ABL1: variants seen among roughly 807,000 people sequenced by gnomAD.
ABL1 encodes ABL proto-oncogene 1, non-receptor tyrosine kinase, also known as tyrosine-protein kinase ABL1.
Under a neutral mutation model 94.7 loss-of-function variants are expected in ABL1, and 11 were observed. The observed-to-expected ratio is 0.12, with a 90% confidence interval of 0.07 to 0.19. The LOEUF (loss-of-function observed/expected upper bound fraction) is 0.19, where lower values mean the gene tolerates loss of function less well. Ranked by LOEUF, ABL1 falls within the 10% of genes least tolerant of loss-of-function variation. The probability of loss-of-function intolerance (pLI) is 1.00; values close to 1 mark genes in which losing one functional copy is unlikely to be tolerated. For synonymous variants in ABL1, 656 were observed against 622.4 expected, an observed-to-expected ratio of 1.05 and a Z score of -0.80; for missense variants, 1,082 against 1,489.4, an observed-to-expected ratio of 0.73 and a Z score of 4.50.
chr9:130,780,214 G>A lies in ABL1; in HGVS notation c.136+65759G>A, dbSNP rs1829738587. Reference sequence around the variant, plus strand: ...AGGCAGGAGAATCGCTTGAACCCAGGCAGCAGAGGTTGCAGTGAGCCAAGA... The same window carrying A: ...AGGCAGGAGAATCGCTTGAACCCAGACAGCAGAGGTTGCAGTGAGCCAAGA... On this transcript the variant is annotated intron_variant, in intron 1 of 10. Coordinates refer to the ABL1 transcript ENST00000372348. Among the ~76,000 whole-genome samples, 10 of 152,276 alleles carry A rather than the reference G, an allele frequency of 6.6e-5. No homozygotes were observed. The South Asian group carries it at 1.9e-3, about 28-fold the overall frequency.
intron 1 of ABL1, among the ~76,000 whole-genome samples, chr9:130,725,839 T>TG (rs1564269509): frequency 0.029 from 3,801 of 131,450 alleles, 222 homozygotes; most frequent in African/African-American, 0.1. Flanking sequence ...TTTTTTTTTT[T>TG]TTTTTTTTTT....
chr9:130,788,131 A>G (rs1173852959), intron 1 of ABL1, among the ~76,000 whole-genome samples: 1 of 152,220 alleles, frequency 6.6e-6, no homozygotes, highest in Non-Finnish European at 1.5e-5. Context: ...TAATACAAAT[A>G]CTGTATGTAT....
chr9:130,754,291 G>A (rs1240613309), intron 1 of ABL1, among the ~76,000 whole-genome samples: 2 of 150,760 alleles, frequency 1.3e-5, no homozygotes, highest in Non-Finnish European at 3.0e-5. Flanking sequence ...GGTGGATTAC[G>A]AGGTCAGGAG....
rs1295930544 is a variant in ABL1, at chr9:130,718,233, T to C, written c.136+3778T>C. Among the ~76,000 whole-genome samples the C allele has an allele frequency of 4.0e-5, 6 of 150,606 alleles. No individual in the cohort carries two copies. In the South Asian group the frequency reaches 6.3e-4, roughly 16 times the overall value. ...CTCAGGAGGCTGAGGCAGGAGAATA[T>C]CTTGAGCCCCGGGGGAAGAGGTTGC... On this transcript the variant is annotated intron_variant, in intron 1 of 10. Transcript: ENST00000372348.
At chr9:130,754,382 C>T (rs977511463) in intron 1 of ABL1, among the ~76,000 whole-genome samples, 4 of 151,324 alleles carry the variant, frequency 2.6e-5, no homozygotes, top group African/African-American at 9.7e-5. Flanking sequence ...GTGGCGGGCA[C>T]CTGTAGTCCC....
chr9:130,827,632 C>A (rs1229493869), intron 1 of ABL1, among the ~76,000 whole-genome samples: 1 of 152,158 alleles, frequency 6.6e-6, no homozygotes, highest in South Asian at 2.1e-4. Flanking sequence ...CCATGACTCA[C>A]GCCTGTAATC....
chr9:130,785,345 C>T (rs555292368), intron 1 of ABL1, among the ~76,000 whole-genome samples: 1 of 152,254 alleles, frequency 6.6e-6, no homozygotes, highest in Non-Finnish European at 1.5e-5. Flanking sequence ...GGAGTTTCTC[C>T]ACCACGTGGT....
intron 1 of ABL1, among the ~76,000 whole-genome samples, chr9:130,845,874 T>C (rs1830761257): frequency 6.6e-6 from 1 of 151,822 alleles, no homozygotes; most frequent in Non-Finnish European, 1.5e-5. Context: ...AAAAAAAAAT[T>C]CATCCACAGG....
Position 130,721,844 on chromosome 9 carries a change from C to G in ABL1, c.136+7389C>G, listed in dbSNP as rs775572478. On this transcript the variant is annotated intron_variant, in intron 1 of 10. Transcript: ENST00000372348. ...TTTGTTTTTTTTTTTTTTTTTGAGA[C>G]AGAGCCTTGCTCTGTTGCCCAGACT... 4.0e-3 allele frequency among the ~76,000 whole-genome samples: 450 copies of G among 113,878 alleles called. 12 individuals are homozygous for G. The highest frequency in any genetic ancestry group is 6.8e-3 in the East Asian group (24 of 3,506). 74.7% of individuals were successfully genotyped at this position (113,878 alleles called of 152,430 possible).
chr9:130,839,858 A>G (rs1021918265), intron 1 of ABL1, among the ~76,000 whole-genome samples: 1 of 152,084 alleles, frequency 6.6e-6, no homozygotes, highest in African/African-American at 2.4e-5. Context: ...CAGCGTTCCT[A>G]GGGTCTCATT....
At chr9:130,786,191 A>G (rs1172256216) in intron 1 of ABL1, among the ~76,000 whole-genome samples, 2 of 152,160 alleles carry the variant, frequency 1.3e-5, no homozygotes, top group Non-Finnish European at 2.9e-5. Flanking sequence ...GGCCAGGGAA[A>G]CATCTGAGGA....
intron 1 of ABL1, among the ~76,000 whole-genome samples, chr9:130,808,246 T>C (rs1316388190): frequency 2.0e-5 from 2 of 100,794 alleles, no homozygotes; most frequent in Admixed American, 2.0e-4. Context: ...TTCTTCTTCT[T>C]CTTTTTTTTT....
intron 1 of ABL1, among the ~76,000 whole-genome samples, chr9:130,800,461 GA>G (rs571119078): frequency 0.1 from 14,315 of 141,390 alleles, 948 homozygotes; most frequent in Non-Finnish European, 0.15. Flanking sequence ...AAAACCTATT[GA>G]AAAAAAAAAA....
chr9:130,885,566 T>G lies in ABL1; in HGVS notation c.3276T>G (p.Asn1092Lys). The G allele has an allele frequency of 6.2e-7, 1 of 1,614,040 alleles. No individual in the cohort carries two copies. Among genetic ancestry groups the G allele is most frequent in the Non-Finnish European group, 8.5e-7 (1 of 1,180,044 alleles). Residue 1092 changes from asparagine (N) to lysine (K), a missense_variant, in exon 11 of 11, where the codon AAT (asparagine) becomes AAG (lysine). Transcript: ENST00000318560. ...GAGAGGCCATCAACAAACTGGAGAA[T>G]AATCTCCGGGAGCTTCAGATCTGCC... ...AFREAINKLE[N>K]NLRELQICPA...
At chr9:130,747,722 C>T (rs1831905317) in intron 1 of ABL1, among the ~76,000 whole-genome samples, 1 of 152,120 alleles carries the variant, frequency 6.6e-6, no homozygotes, top group Non-Finnish European at 1.5e-5. Context: ...CCCAGTCTTC[C>T]TCTTATAGGG....
At chr9:130,719,092 G>A (rs1588209080) in intron 1 of ABL1, among the ~76,000 whole-genome samples, 1 of 152,214 alleles carries the variant, frequency 6.6e-6, no homozygotes, top group Non-Finnish European at 1.5e-5. Flanking sequence ...AGTATGGAAG[G>A]ATTTTACACC....
At chr9:130,784,720 A>G (rs1256504102) in intron 1 of ABL1, among the ~76,000 whole-genome samples, 2 of 152,196 alleles carry the variant, frequency 1.3e-5, no homozygotes, top group African/African-American at 4.8e-5. Context: ...CATCAGGGCC[A>G]GGGAACTGTC....
intron 1 of ABL1, among the ~76,000 whole-genome samples, chr9:130,772,140 C>T (rs758471063): frequency 5.3e-5 from 8 of 152,178 alleles, no homozygotes; most frequent in Non-Finnish European, 7.3e-5. Context: ...TCTTGAAGCA[C>T]AGTATTTCCC....
intron 1 of ABL1, among the ~76,000 whole-genome samples, chr9:130,740,572 A>G (rs1445365435): frequency 6.6e-6 from 1 of 152,144 alleles, no homozygotes; most frequent in Non-Finnish European, 1.5e-5. Flanking sequence ...ACCTTATTCT[A>G]TTAGACGTAT....
Sources: gnomAD v4.1 joint callset for allele counts (sites outside exome capture counted in the v4.1 genomes callset) on GRCh38, gnomAD v4.1.1 for gene constraint, MANE v1.5 for transcripts, NCBI Gene and HGNC (gene_info 2026-07-23, HGNC 2026-07-21) for gene names.